Variants in LINGO2 observed in about 807,000 individuals in gnomAD.
LINGO2 encodes leucine rich repeat and Ig domain containing 2.
Under a neutral mutation model 30.6 loss-of-function variants are expected in LINGO2, and 14 were observed. That is an observed-to-expected ratio of 0.46 (90% CI 0.30 to 0.72). The LOEUF is 0.72. Ranked by LOEUF, LINGO2 falls within the 30% of genes least tolerant of loss-of-function variation. The pLI, the probability that LINGO2 is intolerant of heterozygous loss-of-function variation, is 0.07. For synonymous variants in LINGO2, 317 were observed against 288.5 expected (o/e 1.10, Z -1.00); for missense variants, 729 against 751.7 (o/e 0.97, Z 0.35).
At chr9:28,485,221 GTGCTTC>G (rs1826124594) in intron 1 of LINGO2, among the ~76,000 whole-genome samples, 1 of 152,062 alleles carries the variant, frequency 6.6e-6, no homozygotes, top group African/African-American at 2.4e-5. Flanking sequence ...GCTGAGAAAA[GTGCTTC>G]AGCAGTTCCT....
intron 1 of LINGO2, among the ~76,000 whole-genome samples, chr9:28,612,787 G>A (rs1376590277): frequency 6.6e-6 from 1 of 152,118 alleles, no homozygotes; most frequent in Non-Finnish European, 1.5e-5. Context: ...GGAGACTGTT[G>A]AGAAAGCATG....
chr9:28,425,327 G>GTTTTTA (rs36056351), intron 2 of LINGO2, among the ~76,000 whole-genome samples: 1 of 124,550 alleles, frequency 8.0e-6, no homozygotes, highest in African/African-American at 2.9e-5. Context: ...ATATGTGTGT[G>GTTTTTA]TGTATATATA....
chr9:28,841,840 T>A, the LINGO2 span, among the ~76,000 whole-genome samples: 2 of 151,770 alleles, frequency 1.3e-5, no homozygotes, highest in Non-Finnish European at 2.9e-5. Context: ...TATTTTTTGC[T>A]GAGTCCACAA....
the LINGO2 span, among the ~76,000 whole-genome samples, chr9:28,956,439 G>C: frequency 6.6e-6 from 1 of 152,122 alleles, no homozygotes; most frequent in Non-Finnish European, 1.5e-5. Context: ...TTGTCTTGAA[G>C]TGGCACTGTT....
At chr9:28,127,247 G>C (rs552198935) in intron 4 of LINGO2, among the ~76,000 whole-genome samples, 1 of 152,122 alleles carries the variant, frequency 6.6e-6, no homozygotes, top group Admixed American at 6.5e-5. Flanking sequence ...TAGTATAAAC[G>C]ATGTCCAGGG....
At chr9:28,478,030 T>C (rs996100472) in intron 1 of LINGO2, among the ~76,000 whole-genome samples, 5 of 152,144 alleles carry the variant, frequency 3.3e-5, no homozygotes, top group African/African-American at 4.8e-5. Flanking sequence ...CCCACAGGTC[T>C]CAGTTTAAAA....
the LINGO2 span, among the ~76,000 whole-genome samples, chr9:29,168,144 T>C: frequency 1.3e-5 from 2 of 152,124 alleles, no homozygotes; most frequent in African/African-American, 4.8e-5. Context: ...ATGTCTCTTA[T>C]CAGTTTTGTA....
chr9:28,297,946 G>C (rs528350557), intron 3 of LINGO2, among the ~76,000 whole-genome samples: 3 of 152,032 alleles, frequency 2.0e-5, no homozygotes, highest in Non-Finnish European at 2.9e-5. Flanking sequence ...TGTATAAGTT[G>C]CTTTACACAA....
At chr9:28,311,871 TA>T (rs1824636054) in intron 3 of LINGO2, among the ~76,000 whole-genome samples, 1 of 152,170 alleles carries the variant, frequency 6.6e-6, no homozygotes, top group Non-Finnish European at 1.5e-5. Flanking sequence ...AGGGTATTGA[TA>T]GGGGAAGTGA....
the LINGO2 span, among the ~76,000 whole-genome samples, chr9:29,046,047 G>C: frequency 3.3e-5 from 5 of 152,110 alleles, no homozygotes; most frequent in African/African-American, 1.2e-4. Flanking sequence ...CAAAACTATA[G>C]GGTATTCTAG....
intron 3 of LINGO2, among the ~76,000 whole-genome samples, chr9:28,338,494 G>A (rs2134377295): frequency 6.6e-6 from 1 of 152,266 alleles, no homozygotes; most frequent in African/African-American, 2.4e-5. Flanking sequence ...TTTGAAATGT[G>A]AGGACATGAG....
intron 1 of LINGO2, among the ~76,000 whole-genome samples, chr9:28,662,424 C>T (rs1588041851): frequency 1.3e-5 from 2 of 152,094 alleles, no homozygotes; most frequent in South Asian, 2.1e-4. Flanking sequence ...TTTTACCCAC[C>T]TTTACAGTCC....
chr9:28,239,728 C>A (rs1457224504), intron 4 of LINGO2, among the ~76,000 whole-genome samples: 1 of 152,046 alleles, frequency 6.6e-6, no homozygotes, highest in East Asian at 1.9e-4. Flanking sequence ...TGAAATACTA[C>A]AAGATTGCTC....
chr9:28,538,006 A>T (rs1821509859), intron 1 of LINGO2, among the ~76,000 whole-genome samples: 1 of 152,100 alleles, frequency 6.6e-6, no homozygotes, highest in African/African-American at 2.4e-5. Context: ...AGAATCAACC[A>T]CAGTTAACAA....
At chr9:28,562,526 ATATGTTTCCTTCACAGAGT>A (rs1289944560) in intron 1 of LINGO2, among the ~76,000 whole-genome samples, 2 of 151,456 alleles carry the variant, frequency 1.3e-5, no homozygotes, top group African/African-American at 4.8e-5. Context: ...CCAGGAAAGT[ATATGTTTCCTTCACAGAGT>A]TATAGGAAAA....
intron 1 of LINGO2, among the ~76,000 whole-genome samples, chr9:28,569,052 T>A (rs989195529): frequency 1.4e-5 from 2 of 147,944 alleles, no homozygotes; most frequent in Non-Finnish European, 2.9e-5. Flanking sequence ...GTATTGCTTA[T>A]CATCAGGTAA....
At chr9:28,787,747 CTT>C in the LINGO2 span, among the ~76,000 whole-genome samples, 162 of 152,196 alleles carry the variant, frequency 1.1e-3, 1 homozygote, top group African/African-American at 3.6e-3. Flanking sequence ...TGAAACATCT[CTT>C]ATTTACTATG....
the LINGO2 span, among the ~76,000 whole-genome samples, chr9:29,190,478 G>A: frequency 2.6e-5 from 4 of 152,118 alleles, no homozygotes; most frequent in Non-Finnish European, 4.4e-5. Context: ...ATAGTGTAAG[G>A]AAATTTAATG....
the LINGO2 span, among the ~76,000 whole-genome samples, chr9:29,194,369 G>C: frequency 6.6e-6 from 1 of 152,076 alleles, no homozygotes; most frequent in Admixed American, 6.6e-5. Flanking sequence ...GCTATATATA[G>C]ACTCTCATTC....
Sources: gnomAD v4.1 joint callset for allele counts (sites outside exome capture counted in the v4.1 genomes callset) on GRCh38, gnomAD v4.1.1 for gene constraint, MANE v1.5 for transcripts, NCBI Gene and HGNC (gene_info 2026-07-23, HGNC 2026-07-21) for gene names.